The following AIG1 variants were observed in gnomAD, a reference collection of about 807,000 sequenced individuals.
AIG1 encodes androgen-induced gene 1 protein.
In AIG1, 23 loss-of-function variants were observed where a neutral mutation model predicts 31.4. That is an observed-to-expected ratio of 0.73 (90% CI 0.53 to 1.04). The LOEUF is 1.04. Among genes scored for constraint, AIG1 ranks in the 50% least tolerant of loss-of-function variants. The probability of loss-of-function intolerance (pLI) is 0.00; values close to 1 mark genes in which losing one functional copy is unlikely to be tolerated. For synonymous variants in AIG1, 100 were observed against 110.5 expected (o/e 0.90, Z 0.60); for missense variants, 274 against 295.0 (o/e 0.93, Z 0.52).
At chr6:143,231,346 A>G (rs1029086501) in intron 3 of AIG1, among the ~76,000 whole-genome samples, 1 of 152,214 alleles carries the variant, frequency 6.6e-6, no homozygotes, top group Non-Finnish European at 1.5e-5. Flanking sequence ...AAGGAGACTA[A>G]CACCTAAAGA....
At chr6:143,189,946 G>A (rs1285662087) in intron 3 of AIG1, 9 of 590,866 alleles carry the variant, frequency 1.5e-5, no homozygotes, top group African/African-American at 4.1e-5. Context: ...GCATGGTTGG[G>A]TTCTGATGAG....
At chr6:143,072,700 T>C (rs1012141526) in intron 1 of AIG1, among the ~76,000 whole-genome samples, 1 of 152,216 alleles carries the variant, frequency 6.6e-6, no homozygotes, top group African/African-American at 2.4e-5. Flanking sequence ...TGCTTTGATT[T>C]GTTCATATGG....
intron 3 of AIG1, among the ~76,000 whole-genome samples, chr6:143,223,085 G>T (rs1792662718): frequency 6.6e-6 from 1 of 152,200 alleles, no homozygotes; most frequent in Admixed American, 6.5e-5. Context: ...AACAGCCTTG[G>T]TGGATGTTTG....
chr6:143,078,181 A>G (rs765139219), intron 1 of AIG1, among the ~76,000 whole-genome samples: 12 of 152,112 alleles, frequency 7.9e-5, no homozygotes, highest in Non-Finnish European at 1.3e-4. Context: ...TAAATTTCCA[A>G]TATTGTGTAT....
At chr6:143,181,836 A>G (rs994621246) in intron 3 of AIG1, among the ~76,000 whole-genome samples, 3 of 152,152 alleles carry the variant, frequency 2.0e-5, no homozygotes, top group African/African-American at 2.4e-5. Flanking sequence ...TGAGACGGCC[A>G]TAGAAAAGAG....
intron 1 of AIG1, among the ~76,000 whole-genome samples, chr6:143,104,892 G>A (rs1229940194): frequency 1.3e-5 from 2 of 151,032 alleles, no homozygotes; most frequent in African/African-American, 2.4e-5. Context: ...GAGCAAGACC[G>A]TGTCTCAAAA....
At chr6:143,060,335 C>G (rs941919846), upstream of AIG1, among the ~76,000 whole-genome samples, 7 of 152,308 alleles carry the variant, frequency 4.6e-5, no homozygotes, top group African/African-American at 1.7e-4. Flanking sequence ...GGGTTTACAC[C>G]CCACGTTCAC....
At chr6:143,093,147 ATCT>A (rs1013426823) in intron 1 of AIG1, among the ~76,000 whole-genome samples, 2 of 152,210 alleles carry the variant, frequency 1.3e-5, no homozygotes, top group African/African-American at 4.8e-5. Flanking sequence ...CCTAGATGGC[ATCT>A]TCTTCTAATA....
rs1406288561 is a variant in AIG1, at chr6:143,223,704, A to AT, written c.399+58528dup. The stretch of plus-strand genomic sequence containing the variant: ...GTAATTTTGATAAAAATTTAATTGC[A>AT]TTTTTTTAAACAGACTCTCACTTGA... On this transcript the variant is annotated intron_variant, in intron 3 of 5. Coordinates refer to ENST00000357847, the MANE Select transcript of AIG1 (RefSeq NM_016108.4). Among the ~76,000 whole-genome samples the AT allele has an allele frequency of 4.6e-5, 7 of 152,272 alleles. No individual in the cohort carries two copies. In the South Asian group the frequency reaches 8.3e-4, roughly 18 times the overall value.
chr6:143,237,987 C>G (rs1022578952), intron 3 of AIG1, among the ~76,000 whole-genome samples: 3 of 152,196 alleles, frequency 2.0e-5, no homozygotes, highest in Non-Finnish European at 4.4e-5. Flanking sequence ...GTCACCTAGG[C>G]TGGAGTGCAG....
intron 3 of AIG1, chr6:143,187,668 C>G (rs778000532): frequency 7.8e-6 from 12 of 1,536,086 alleles, no homozygotes; most frequent in Middle Eastern, 1.7e-4. Flanking sequence ...GCTTTTCAAA[C>G]GCCCATCTGA....
Position 143,325,044 on chromosome 6 carries a change from G to T in AIG1, c.516-8238G>T, listed in dbSNP as rs539690689. ...AACATCCAAAGTAGATTCGAATGTT[G>T]TACATACCACTTGGAATCTGAAAAT... On this transcript the variant is annotated intron_variant, in intron 4 of 5. Coordinates refer to ENST00000357847, the MANE Select transcript of AIG1 (RefSeq NM_016108.4). The surrounding 1 kb of genome is among the most constrained non-coding windows in gnomAD (Gnocchi z 4.3). Among the ~76,000 whole-genome samples the T allele has an allele frequency of 1.3e-5, 2 of 152,096 alleles. No individual in the cohort carries two copies. The highest frequency in any genetic ancestry group is 2.9e-5 in the Non-Finnish European group (2 of 68,030).
intron 3 of AIG1, among the ~76,000 whole-genome samples, chr6:143,206,719 G>T (rs1420180635): frequency 6.6e-6 from 1 of 152,162 alleles, no homozygotes; most frequent in Non-Finnish European, 1.5e-5. Context: ...TTTAAAGAAA[G>T]TTTTTCTGTA....
At chr6:143,092,845 A>T (rs1211215072) in intron 1 of AIG1, among the ~76,000 whole-genome samples, 2 of 151,948 alleles carry the variant, frequency 1.3e-5, no homozygotes, top group African/African-American at 4.8e-5. Context: ...AGGCCAGGAG[A>T]TTGAGACTAG....
chr6:143,241,342 A>T (rs1794225878), intron 3 of AIG1, among the ~76,000 whole-genome samples: 1 of 152,190 alleles, frequency 6.6e-6, no homozygotes, highest in African/African-American at 2.4e-5. Flanking sequence ...ACTTGCGTGG[A>T]GCCCTTTTGC....
intron 3 of AIG1, chr6:143,189,651 T>G: frequency 2.0e-6 from 2 of 985,418 alleles, no homozygotes; most frequent in Non-Finnish European, 2.4e-6. Flanking sequence ...AAAGTTGATT[T>G]GCTTTAAATT....
intron 3 of AIG1, among the ~76,000 whole-genome samples, chr6:143,260,672 CT>C: frequency 6.6e-6 from 1 of 152,308 alleles, no homozygotes; most frequent in Admixed American, 6.5e-5. Flanking sequence ...GCCTGGTTTA[CT>C]TCAGCACCAC....
chr6:143,342,349 C>T (rs1777875251), downstream of AIG1: 4 of 671,252 alleles, frequency 6.0e-6, no homozygotes, highest in East Asian at 2.7e-5. Context: ...GTTCTAGCCC[C>T]GCCGCAGCTG....
At chr6:143,336,139 A>G (rs908853618) in intron 5 of AIG1, among the ~76,000 whole-genome samples, 6 of 152,214 alleles carry the variant, frequency 3.9e-5, no homozygotes, top group Admixed American at 2.0e-4. Context: ...ATGGGAGTAC[A>G]GTACTACAAT....
Sources: gnomAD v4.1 joint callset for allele counts (sites outside exome capture counted in the v4.1 genomes callset) on GRCh38, gnomAD v4.1.1 for gene constraint, Gnocchi (gnomAD v3.1) non-coding constraint, MANE v1.5 for transcripts, NCBI Gene and HGNC (gene_info 2026-07-23, HGNC 2026-07-21) for gene names.